Variants in HTR4 observed in about 807,000 individuals in gnomAD.
The protein encoded by HTR4 is 5-hydroxytryptamine receptor 4.
Under a neutral mutation model 36.8 loss-of-function variants are expected in HTR4, and 16 were observed. That is an observed-to-expected ratio of 0.43 (90% CI 0.29 to 0.66). The LOEUF (loss-of-function observed/expected upper bound fraction) is 0.66, where lower values mean the gene tolerates loss of function less well. Among genes scored for constraint, HTR4 ranks in the 30% least tolerant of loss-of-function variants. HTR4 has a pLI of 0.13. For missense variants in HTR4, 438 were observed against 490.9 expected (o/e 0.89, Z 1.02); for synonymous variants, 189 against 185.1 (o/e 1.02, Z -0.17).
At chr5:148,484,374 T>A (rs1756048427) in intron 6 of HTR4, 4 of 1,611,144 alleles carry the variant, frequency 2.5e-6, no homozygotes, top group Non-Finnish European at 3.4e-6. Context: ...AAACAGAAAA[T>A]CTGTCCTAGC....
In HTR4 at chr5:148,457,786, A is replaced by G. The variant is rs944076536; in HGVS notation, c.1077-6514T>C. On this transcript the variant is annotated intron_variant, in intron 5 of 5. Transcript: ENST00000521530. ...TGGTATATCATTAAAATATATTTTG[A>G]CATATCATTAAAATATCATATATTT... 5.0e-5 allele frequency among the ~76,000 whole-genome samples: 7 copies of G among 139,350 alleles called. No homozygotes were observed. The South Asian group carries it at 6.8e-4, about 14-fold the overall frequency. 91.4% of individuals were successfully genotyped at this position (139,350 alleles called of 152,430 possible).
intron 5 of HTR4, among the ~76,000 whole-genome samples, chr5:148,514,802 T>C (rs1342276912): frequency 6.6e-6 from 1 of 152,178 alleles, no homozygotes; most frequent in East Asian, 1.9e-4. Context: ...GAAATATTAT[T>C]TTCCTTAAAT....
chr5:148,602,303 C>T (rs768168094), intron 2 of HTR4, among the ~76,000 whole-genome samples: 1 of 151,832 alleles, frequency 6.6e-6, no homozygotes, highest in Non-Finnish European at 1.5e-5. Flanking sequence ...GTCAATGATA[C>T]CTCAATAAAG....
At chr5:148,619,399 A>G (rs1361455599) in intron 2 of HTR4, among the ~76,000 whole-genome samples, 1 of 152,220 alleles carries the variant, frequency 6.6e-6, no homozygotes, top group African/African-American at 2.4e-5. Flanking sequence ...TTAGATAAAT[A>G]TATTTTTTTC....
At chr5:148,489,145 A>G (rs1216625478) in intron 6 of HTR4, among the ~76,000 whole-genome samples, 2 of 152,244 alleles carry the variant, frequency 1.3e-5, no homozygotes, top group African/African-American at 4.8e-5. Context: ...TACGTTTTAA[A>G]CACAGCCAAT....
At chr5:148,457,693 G>T (rs1001159984) in intron 5 of HTR4, among the ~76,000 whole-genome samples, 2 of 136,594 alleles carry the variant, frequency 1.5e-5, no homozygotes, top group African/African-American at 5.3e-5. Flanking sequence ...AATATATTTT[G>T]ATATATCATT....
chr5:148,541,323 A>T (rs1432917), intron 4 of HTR4, among the ~76,000 whole-genome samples: 26,024 of 152,160 alleles, frequency 0.17, 3,795 homozygotes, highest in African/African-American at 0.39. Context: ...CTCAGCATTC[A>T]GTGCTCAGCC....
intron 6 of HTR4, among the ~76,000 whole-genome samples, chr5:148,508,216 G>C (rs1287115712): frequency 6.6e-6 from 1 of 152,056 alleles, no homozygotes; most frequent in Non-Finnish European, 1.5e-5. Context: ...ATCATCATCA[G>C]AAAAATTAAA....
chr5:148,467,797 A>C (rs891239083), intron 5 of HTR4, among the ~76,000 whole-genome samples: 1 of 152,190 alleles, frequency 6.6e-6, no homozygotes, highest in South Asian at 2.1e-4. Flanking sequence ...CAACTTTAAC[A>C]TATGTTTTTA....
At chr5:148,549,712 T>C (rs148192399) in intron 3 of HTR4, among the ~76,000 whole-genome samples, 168 of 152,328 alleles carry the variant, frequency 1.1e-3, no homozygotes, top group Non-Finnish European at 1.9e-3. Context: ...TGATAGTTTT[T>C]CAAAGTGCTT....
intron 5 of HTR4, chr5:148,465,912 CAG>C (rs1755414307): frequency 1.9e-6 from 3 of 1,612,640 alleles, no homozygotes; most frequent in South Asian, 1.1e-5. Flanking sequence ...AAGCTGGAGA[CAG>C]GGGAACAGCC....
Position 148,599,139 on chromosome 5 carries a change from C to T in HTR4, c.26+37850G>A, listed in dbSNP as rs536791541. 2.6e-3 allele frequency among the ~76,000 whole-genome samples: 398 copies of T among 151,806 alleles called. 3 individuals carry two copies. The highest frequency in any genetic ancestry group is 8.0e-3 in the African/African-American group (330 of 41,388). On this transcript the variant is annotated intron_variant, in intron 2 of 6. Coordinates refer to ENST00000377888, the MANE Select transcript of HTR4 (RefSeq NM_000870.7). ...GAATACAACAAAAGGAAAGTATAGCCGATAGATGAGATACATTGAAATGGT... is the reference window on the plus strand; with the variant it reads ...GAATACAACAAAAGGAAAGTATAGCTGATAGATGAGATACATTGAAATGGT...
intron 6 of HTR4, among the ~76,000 whole-genome samples, chr5:148,489,233 C>A (rs1756299825): frequency 6.6e-6 from 1 of 152,128 alleles, no homozygotes; most frequent in Admixed American, 6.6e-5. Context: ...TCACAATAAT[C>A]CTATCACATG....
chr5:148,461,506 G>A (rs1179418815), intron 5 of HTR4, among the ~76,000 whole-genome samples: 92 of 152,092 alleles, frequency 6.0e-4, no homozygotes, highest in Admixed American at 6.0e-3. Context: ...AGCAAGAAAA[G>A]TTATCAGAGA....
At position 148,481,635 on chromosome 5, in the gene HTR4, G is replaced by C. The variant is rs1326238855; in HGVS notation, c.*1568C>G. The C allele has an allele frequency of 6.7e-7, 1 of 1,499,400 alleles. No individual in the cohort carries two copies. The highest frequency in any genetic ancestry group is 1.3e-5 in the South Asian group (1 of 76,846). 92.9% of individuals were successfully genotyped at this position (1,499,400 alleles called of 1,614,324 possible). On this transcript the variant is annotated 3_prime_UTR_variant, in exon 7 of 7. Coordinates refer to ENST00000377888, the MANE Select transcript of HTR4 (RefSeq NM_000870.7). ...TGTCGGTTTCAGTTCCAGAACTAAA[G>C]TAAACAACAATGGAAACAATAACTG...
intron 6 of HTR4, among the ~76,000 whole-genome samples, chr5:148,504,197 C>T (rs867324966): frequency 2.6e-5 from 4 of 152,188 alleles, no homozygotes; most frequent in Non-Finnish European, 5.9e-5. Flanking sequence ...ATACATTCGT[C>T]TCAGCACCAC....
At chr5:148,483,509 G>T (rs1755992049) in intron 6 of HTR4, among the ~76,000 whole-genome samples, 1 of 152,104 alleles carries the variant, frequency 6.6e-6, no homozygotes, top group South Asian at 2.1e-4. Context: ...GCCAAAATCG[G>T]TGTCCATATG....
intron 6 of HTR4, among the ~76,000 whole-genome samples, chr5:148,504,105 G>C (rs1440817487): frequency 6.6e-6 from 1 of 152,078 alleles, no homozygotes; most frequent in Non-Finnish European, 1.5e-5. Flanking sequence ...AGTTAACAAG[G>C]ATATCCAAGA....
chr5:148,636,250 C>A (rs1753531941), intron 2 of HTR4, among the ~76,000 whole-genome samples: 1 of 152,134 alleles, frequency 6.6e-6, no homozygotes, highest in South Asian at 2.1e-4. Flanking sequence ...ATATACTTTT[C>A]TAGAGGTCTC....
Sources: allele counts gnomAD v4.1 joint callset (sites outside exome capture counted in the v4.1 genomes callset), GRCh38; gene constraint gnomAD v4.1.1; transcripts MANE v1.5; gene names NCBI Gene and HGNC (gene_info 2026-07-23, HGNC 2026-07-21).